The following CPA6 variants were observed in gnomAD, a reference collection of about 807,000 sequenced individuals.
CPA6 encodes carboxypeptidase A6, also known as carboxypeptidase B.
Under a neutral mutation model 63.3 loss-of-function variants are expected in CPA6, and 58 were observed. The ratio of observed to expected loss-of-function variants is 0.92; its 90% CI spans 0.74 to 1.14. The LOEUF is 1.14. CPA6 is among the 50% of genes most tolerant of loss of function. The pLI is 0.00. For synonymous variants in CPA6, 185 were observed against 179.0 expected (o/e 1.03, Z -0.27); for missense variants, 565 against 526.6 (o/e 1.07, Z -0.71).
intron 8 of CPA6, among the ~76,000 whole-genome samples, chr8:67,440,180 C>A (rs932481531): frequency 3.3e-5 from 5 of 152,302 alleles, no homozygotes; most frequent in African/African-American, 1.2e-4. Context: ...AGGGAAGAAT[C>A]CTTCCTTGCC....
At position 67,616,723 on chromosome 8, in the gene CPA6, G is replaced by A. The variant is rs370699024; in HGVS notation, c.192+7453C>T. The stretch of plus-strand genomic sequence containing the variant: ...TAATGTGGCAGAAGTGACATTTACC[G>A]AGTACTCTAAGCTTGGGTTCAAGGA... On this transcript the variant is annotated intron_variant, in intron 2 of 10. Transcript: ENST00000297770. 6.6e-5 allele frequency among the ~76,000 whole-genome samples: 10 copies of A among 152,094 alleles called. No individual in the cohort carries two copies. In the South Asian group the frequency reaches 8.3e-4, roughly 13 times the overall value.
intron 1 of CPA6, among the ~76,000 whole-genome samples, chr8:67,738,842 C>T (rs760194173): frequency 2.0e-5 from 3 of 152,140 alleles, no homozygotes; most frequent in Non-Finnish European, 4.4e-5. Flanking sequence ...AATTCTAATC[C>T]AATAAACCAG....
At chr8:67,569,127 G>T (rs555373458) in intron 2 of CPA6, among the ~76,000 whole-genome samples, 2 of 152,242 alleles carry the variant, frequency 1.3e-5, no homozygotes, top group South Asian at 2.1e-4. Context: ...GGTACAGGGA[G>T]TACAAAAGTC....
At chr8:67,574,151 GC>G (rs1813561979) in intron 2 of CPA6, among the ~76,000 whole-genome samples, 1 of 151,940 alleles carries the variant, frequency 6.6e-6, no homozygotes, top group Non-Finnish European at 1.5e-5. Context: ...GCCAAGGCAG[GC>G]AGATCACTTG....
Position 67,690,018 on chromosome 8 carries a change from T to A in CPA6, c.116+55996A>T, listed in dbSNP as rs773926259. 9.0e-4 allele frequency among the ~76,000 whole-genome samples: 133 copies of A among 147,532 alleles called. 1 individual carries two copies. Among genetic ancestry groups the A allele is most frequent in the Non-Finnish European group, 1.0e-3 (67 of 66,656 alleles). ...ATTGTGGTTTTGATTTGCATTTCTC[T>A]GATAATGAATGATAATGAATTTTTT... is the stretch of plus-strand genomic sequence containing the variant. On this transcript the variant is annotated intron_variant, in intron 1 of 10. Transcript: ENST00000297770.
intron 2 of CPA6, among the ~76,000 whole-genome samples, chr8:67,549,292 G>T (rs1039378374): frequency 6.6e-6 from 1 of 152,180 alleles, no homozygotes; most frequent in African/African-American, 2.4e-5. Flanking sequence ...AAAGTAACAA[G>T]AGTGTTTGAA....
chr8:67,526,895 G>A (rs564871376), intron 2 of CPA6, among the ~76,000 whole-genome samples: 2 of 152,216 alleles, frequency 1.3e-5, no homozygotes, highest in African/African-American at 2.4e-5. Flanking sequence ...TGACTCCTAC[G>A]TTAGAGGTTT....
intron 1 of CPA6, among the ~76,000 whole-genome samples, chr8:67,736,500 A>G (rs60883435): frequency 1.8e-3 from 268 of 152,258 alleles, no homozygotes; most frequent in African/African-American, 6.3e-3. Context: ...GCAGCACTTG[A>G]TATGATTAAC....
chr8:67,422,353 T>C lies in CPA6; in HGVS notation c.*151A>G. On this transcript the variant is annotated 3_prime_UTR_variant, in exon 11 of 11. Transcript: ENST00000297770. ...TGCCCTGTTTTTTACTGTTTTCTAT[T>C]GCCACAAAGTCAAATTGCGTGGGGT... 3.6e-6 allele frequency: 2 copies of C among 550,424 alleles called. No individual in the cohort carries two copies. Among genetic ancestry groups the C allele is most frequent in the Non-Finnish European group, 6.2e-6 (2 of 321,426 alleles). The allele number at this position is 550,424 out of a possible 1,614,324, so 34.1% of individuals were successfully genotyped here.
At chr8:67,605,820 T>C (rs937117021) in intron 2 of CPA6, among the ~76,000 whole-genome samples, 5 of 152,158 alleles carry the variant, frequency 3.3e-5, no homozygotes, top group Admixed American at 3.3e-4. Flanking sequence ...ATGTGGTGAT[T>C]TGAAGACCAG....
rs529903247 is a variant in CPA6, at chr8:67,571,583, A to T, written c.192+52593T>A. ...AATTCACAAATAAATGTCAAAAAACATACTACTTAGCAATGAAGGTCAATA... is the reference window on the plus strand; with the variant it reads ...AATTCACAAATAAATGTCAAAAAACTTACTACTTAGCAATGAAGGTCAATA... On this transcript the variant is annotated intron_variant, in intron 2 of 10. Transcript: ENST00000297770. Among the ~76,000 whole-genome samples the T allele has an allele frequency of 2.0e-5, 3 of 152,338 alleles. No individual in the cohort carries two copies. In the East Asian group the frequency reaches 5.8e-4, roughly 29 times the overall value.
chr8:67,540,624 C>T (rs1000823447), intron 2 of CPA6, among the ~76,000 whole-genome samples: 11 of 152,244 alleles, frequency 7.2e-5, no homozygotes, highest in African/African-American at 1.4e-4. Flanking sequence ...CCTCCAGGTG[C>T]TCTGTCCCAG....
In CPA6 at chr8:67,681,644, C is replaced by T. The variant is rs115923056; in HGVS notation, c.117-57393G>A. On this transcript the variant is annotated intron_variant, in intron 1 of 10. Transcript: ENST00000297770. The stretch of plus-strand genomic sequence containing the variant: ...TTTCTCCTGGAATACAGATATTCAG[C>T]ACCATTTGTTGAAAAACTATCCTTT... Among the ~76,000 whole-genome samples, 1,057 of 152,256 alleles carry T rather than the reference C, an allele frequency of 6.9e-3. 16 individuals are homozygous for T. The highest frequency in any genetic ancestry group is 0.02 in the Middle Eastern group (6 of 294).
intron 2 of CPA6, among the ~76,000 whole-genome samples, chr8:67,525,484 T>C (rs1812341983): frequency 1.3e-5 from 2 of 152,174 alleles, no homozygotes; most frequent in Non-Finnish European, 2.9e-5. Flanking sequence ...TGAGTACTAG[T>C]TATAAGTCAA....
At chr8:67,638,946 T>C (rs1173715973) in intron 1 of CPA6, among the ~76,000 whole-genome samples, 1 of 151,496 alleles carries the variant, frequency 6.6e-6, no homozygotes, top group African/African-American at 2.5e-5. Context: ...ATGCAGATCA[T>C]TTCTGGAGGA....
chr8:67,479,646 C>T (rs1811315821), intron 8 of CPA6, among the ~76,000 whole-genome samples: 1 of 152,154 alleles, frequency 6.6e-6, no homozygotes, highest in African/African-American at 2.4e-5. Flanking sequence ...TAATTGCAAT[C>T]CGCTATAGGC....
At chr8:67,616,296 A>G (rs1814945977) in intron 2 of CPA6, among the ~76,000 whole-genome samples, 1 of 152,162 alleles carries the variant, frequency 6.6e-6, no homozygotes, top group African/African-American at 2.4e-5. Flanking sequence ...TGACTTGGTT[A>G]GTTTTTCATT....
chr8:67,605,331 T>C (rs559403328), intron 2 of CPA6, among the ~76,000 whole-genome samples: 2 of 152,262 alleles, frequency 1.3e-5, no homozygotes, highest in South Asian at 4.2e-4. Context: ...GGGGATTAAT[T>C]GGTTCTAGGG....
chr8:67,582,051 G>T (rs573693797), intron 2 of CPA6, among the ~76,000 whole-genome samples: 1 of 152,128 alleles, frequency 6.6e-6, no homozygotes, highest in Non-Finnish European at 1.5e-5. Context: ...TGGTTGTGTA[G>T]TGGGGTGGAA....
Sources: gnomAD v4.1 joint callset for allele counts (sites outside exome capture counted in the v4.1 genomes callset) on GRCh38, gnomAD v4.1.1 for gene constraint, MANE v1.5 for transcripts, NCBI Gene and HGNC (gene_info 2026-07-23, HGNC 2026-07-21) for gene names.